PIGU: variants seen among roughly 807,000 people sequenced by gnomAD.
PIGU encodes GPI-anchor transamidase component PIGU.
A neutral mutation model predicts 49.9 loss-of-function variants in PIGU; 24 were observed. The ratio of observed to expected loss-of-function variants is 0.48; its 90% confidence interval spans 0.35 to 0.68. The LOEUF (loss-of-function observed/expected upper bound fraction) is 0.68, where lower values mean the gene tolerates loss of function less well. Ranked by LOEUF, PIGU falls within the 30% of genes least tolerant of loss-of-function variation. PIGU has a pLI of 0.01. For missense variants in PIGU, 490 were observed against 532.6 expected (o/e 0.92, Z 0.79); for synonymous variants, 220 against 205.7 (o/e 1.07, Z -0.59).
chr20:34,672,384 G>A (rs1463848346), intron 1 of PIGU, among the ~76,000 whole-genome samples: 2 of 152,134 alleles, frequency 1.3e-5, no homozygotes, highest in African/African-American at 4.8e-5. Context: ...TTTGGTAACA[G>A]CACCCTAATT....
chr20:34,601,743 T>A (rs1322060004), intron 7 of PIGU, among the ~76,000 whole-genome samples: 1 of 152,200 alleles, frequency 6.6e-6, no homozygotes, highest in Non-Finnish European at 1.5e-5. Context: ...AAGCAATACA[T>A]ACTATTTCTT....
At chr20:34,583,096 G>T (rs2146707536) in intron 9 of PIGU, among the ~76,000 whole-genome samples, 1 of 152,332 alleles carries the variant, frequency 6.6e-6, no homozygotes, top group East Asian at 1.9e-4. Flanking sequence ...ATGAATCTGA[G>T]ATGTGCAGAC....
chr20:34,670,981 G>T (rs1987289192), intron 1 of PIGU, among the ~76,000 whole-genome samples: 1 of 152,148 alleles, frequency 6.6e-6, no homozygotes, highest in Non-Finnish European at 1.5e-5. Context: ...ACTAAAACAT[G>T]GCAGAAAGTT....
chr20:34,648,875 T>C (rs960437107), intron 2 of PIGU, among the ~76,000 whole-genome samples: 2 of 151,666 alleles, frequency 1.3e-5, no homozygotes, highest in Non-Finnish European at 2.9e-5. Context: ...GATTGACTGA[T>C]TGACTGATTT....
At chr20:34,641,540 T>C (rs1271537660) in intron 4 of PIGU, among the ~76,000 whole-genome samples, 1 of 152,132 alleles carries the variant, frequency 6.6e-6, no homozygotes, top group Non-Finnish European at 1.5e-5. Context: ...AGATGTAAAA[T>C]GTCATGATAA....
At chr20:34,592,928 T>C (rs1187769500) in intron 7 of PIGU, among the ~76,000 whole-genome samples, 1 of 152,138 alleles carries the variant, frequency 6.6e-6, no homozygotes, top group Non-Finnish European at 1.5e-5. Flanking sequence ...TAGATATACA[T>C]AATATGGCAA....
chr20:34,657,277 T>G (rs1568661860), intron 1 of PIGU, 33 bp from the exon 2 acceptor site: 2 of 1,560,468 alleles, frequency 1.3e-6, no homozygotes, highest in Admixed American at 3.4e-5. Flanking sequence ...TCACTCAGAC[T>G]AAGCAGGCAG....
chr20:34,581,516 C>T, intron 10 of PIGU, 32 bp downstream of exon 10: 2 of 1,612,032 alleles, frequency 1.2e-6, no homozygotes, highest in Non-Finnish European at 1.7e-6. Context: ...CCCAGGCTGA[C>T]ACAAATCTGT....
intron 2 of PIGU, among the ~76,000 whole-genome samples, chr20:34,652,183 G>A (rs1312811119): frequency 1.3e-5 from 2 of 151,904 alleles, no homozygotes; most frequent in Non-Finnish European, 2.9e-5. Context: ...TTTCCCCCTG[G>A]GGGGAGAAAC....
In PIGU at chr20:34,560,599, C is replaced by T; in HGVS notation, c.*267G>A. 2.3e-6 allele frequency: 1 copy of T among 435,420 alleles called. No individual in the cohort carries two copies. The highest frequency in any genetic ancestry group is 3.6e-5 in the East Asian group (1 of 27,572). The allele number at this position is 435,420 out of a possible 1,614,324, so 27.0% of individuals were successfully genotyped here. ...GCCACAATCTAACAAGCCCTGCTCACCTGCCTCTTCTCCTTCCTGTCTGGG... is the reference window on the plus strand; with the variant it reads ...GCCACAATCTAACAAGCCCTGCTCATCTGCCTCTTCTCCTTCCTGTCTGGG... On this transcript the variant is annotated 3_prime_UTR_variant, in exon 12 of 12. Coordinates refer to ENST00000217446, the MANE Select transcript of PIGU (RefSeq NM_080476.5).
chr20:34,627,569 AT>A (rs894098140), intron 6 of PIGU, among the ~76,000 whole-genome samples: 12 of 150,500 alleles, frequency 8.0e-5, no homozygotes, highest in African/African-American at 2.9e-4. Context: ...GTCATAAAAT[AT>A]TTTTTTTTAA....
chr20:34,613,394 G>C (rs1235815658), intron 7 of PIGU, among the ~76,000 whole-genome samples: 1 of 152,218 alleles, frequency 6.6e-6, no homozygotes, highest in African/African-American at 2.4e-5. Flanking sequence ...TTGACTTAAT[G>C]AGTCAGTTGT....
At chr20:34,672,480 C>T (rs1987337341) in intron 1 of PIGU, among the ~76,000 whole-genome samples, 2 of 152,076 alleles carry the variant, frequency 1.3e-5, no homozygotes, top group South Asian at 4.1e-4. Context: ...AGGCAGACTA[C>T]AGTAATTGAC....
chr20:34,594,906 C>G (rs1374109285), intron 7 of PIGU, among the ~76,000 whole-genome samples: 2 of 151,726 alleles, frequency 1.3e-5, no homozygotes, highest in Non-Finnish European at 2.9e-5. Flanking sequence ...TCCTGGCTAA[C>G]ACGGTGAAAC....
At chr20:34,668,934 C>T (rs1453819585) in intron 1 of PIGU, among the ~76,000 whole-genome samples, 1 of 111,064 alleles carries the variant, frequency 9.0e-6, no homozygotes, top group Non-Finnish European at 1.6e-5. Flanking sequence ...AGGCTACATA[C>T]AGTGCAGTGG....
At chr20:34,614,848 T>G (rs116581880) in intron 7 of PIGU, among the ~76,000 whole-genome samples, 2,492 of 152,248 alleles carry the variant, frequency 0.016, 84 homozygotes, top group African/African-American at 0.058. Flanking sequence ...TAGCAGTGCT[T>G]GTGATTAAGA....
At position 34,598,892 on chromosome 20, in the gene PIGU, C is replaced by T. The variant is rs905414521; in HGVS notation, c.628-10285G>A. ...TCTCGCTTTGTTGCCCAGGCTGGTG[C>T]AGTGACAGGATCATAGTTCACTGCA... On this transcript the variant is annotated intron_variant, in intron 7 of 11. Coordinates refer to ENST00000217446, the MANE Select transcript of PIGU (RefSeq NM_080476.5). Among the ~76,000 whole-genome samples the T allele has an allele frequency of 2.6e-5, 4 of 152,146 alleles. No homozygotes were observed. The South Asian group carries it at 8.3e-4, about 32-fold the overall frequency.
At chr20:34,625,038 T>A (rs1702463277) in intron 6 of PIGU, among the ~76,000 whole-genome samples, 2 of 152,136 alleles carry the variant, frequency 1.3e-5, no homozygotes, top group Admixed American at 1.3e-4. Context: ...TTAATTTAAT[T>A]TCGTTTTTAA....
chr20:34,605,217 G>A (rs1226602769), intron 7 of PIGU, among the ~76,000 whole-genome samples: 1 of 152,148 alleles, frequency 6.6e-6, no homozygotes, highest in African/African-American at 2.4e-5. Context: ...GTTGCCGGAT[G>A]GAACCAGATG....
Sources: gnomAD v4.1 joint callset for allele counts (sites outside exome capture counted in the v4.1 genomes callset) on GRCh38, gnomAD v4.1.1 for gene constraint, MANE v1.5 for transcripts, NCBI Gene and HGNC (gene_info 2026-07-23, HGNC 2026-07-21) for gene names.